Variants in DBX2 observed in about 807,000 individuals in gnomAD.
DBX2 encodes developing brain homeobox 2.
Under a neutral mutation model 17.7 loss-of-function variants are expected in DBX2, and 16 were observed. The observed-to-expected ratio is 0.90, with a 90% CI of 0.61 to 1.37. The LOEUF (loss-of-function observed/expected upper bound fraction) is 1.37, where lower values mean the gene tolerates loss of function less well. Ranked by LOEUF, DBX2 falls within the 40% of genes most tolerant of loss-of-function variation. The pLI, the probability that DBX2 is intolerant of heterozygous loss-of-function variation, is 0.00. For synonymous variants in DBX2, 255 were observed against 183.8 expected, an observed-to-expected ratio of 1.39 and a Z score of -3.13; for missense variants, 538 against 433.8, an observed-to-expected ratio of 1.24 and a Z score of -2.13.
At chr12:45,033,646 A>G (rs1190502776) in intron 2 of DBX2, among the ~76,000 whole-genome samples, 2 of 152,188 alleles carry the variant, frequency 1.3e-5, no homozygotes, top group Non-Finnish European at 2.9e-5. Context: ...GAATATATGA[A>G]ATTCATTTTA....
intron 1 of DBX2, among the ~76,000 whole-genome samples, chr12:45,044,127 G>A (rs1444691898): frequency 3.3e-5 from 5 of 152,190 alleles, no homozygotes; most frequent in Admixed American, 3.3e-4. Flanking sequence ...TATGCTTTGT[G>A]AGCTACACAG....
At chr12:45,033,041 C>T (rs963455459) in intron 2 of DBX2, among the ~76,000 whole-genome samples, 24 of 152,114 alleles carry the variant, frequency 1.6e-4, no homozygotes, top group Non-Finnish European at 2.8e-4. Flanking sequence ...TAATTTTTCC[C>T]CACTGTAAGC....
Position 45,050,633 on chromosome 12 carries a change from A to G in DBX2, c.295T>C (p.Tyr99His). The change falls in exon 1 of 4, where the codon TAC becomes CAC. Residue 99 changes from tyrosine to histidine, a missense_variant. Physicochemically the swap from Tyr to His is moderately conservative, Grantham distance 83. Coordinates refer to ENST00000332700, the MANE Select transcript of DBX2 (RefSeq NM_001004329.3). ...AEQVSPAGAP[Y>H]GTRWAFQVLS... ...ACTTGAAAAGCCCACCGCGTTCCGTAGGGCGCCCCGGCGGGGCTAACTTGT... is the reference window on the plus strand; with the variant it reads ...ACTTGAAAAGCCCACCGCGTTCCGTGGGGCGCCCCGGCGGGGCTAACTTGT... The G allele has an allele frequency of 6.5e-7, 1 of 1,550,138 alleles. No individual in the cohort carries two copies. Among genetic ancestry groups the G allele is most frequent in the Non-Finnish European group, 8.7e-7 (1 of 1,147,074 alleles).
intron 3 of DBX2, among the ~76,000 whole-genome samples, chr12:45,017,723 C>G (rs1366489861): frequency 6.6e-6 from 1 of 152,166 alleles, no homozygotes; most frequent in Non-Finnish European, 1.5e-5. Context: ...ACAAACCTCC[C>G]TCTTTATACA....
Position 45,050,622 on chromosome 12 carries a change from C to T in DBX2, c.306G>A (p.Arg102=). 1 of 1,550,316 alleles carries T rather than the reference C, an allele frequency of 6.5e-7. No homozygotes were observed. The highest frequency in any genetic ancestry group is 8.7e-7 in the Non-Finnish European group (1 of 1,147,152). Residue 102 remains arginine, a synonymous_variant, in exon 1 of 4, where the codon CGG becomes CGA. Coordinates refer to ENST00000332700, the MANE Select transcript of DBX2 (RefSeq NM_001004329.3). ...AGGGACTGAGCACTTGAAAAGCCCACCGCGTTCCGTAGGGCGCCCCGGCGG... is the reference window on the plus strand; with the variant it reads ...AGGGACTGAGCACTTGAAAAGCCCATCGCGTTCCGTAGGGCGCCCCGGCGG... ...VSPAGAPYGT[R]WAFQVLSPSA...
chr12:45,050,985 GC>G lies in DBX2; in HGVS notation c.-59del. On this transcript the variant is annotated 5_prime_UTR_variant, in exon 1 of 4. Coordinates refer to ENST00000332700, the MANE Select transcript of DBX2 (RefSeq NM_001004329.3). ...CCTTGCGCCCGCCTGTCGCCCGGGC[GC>G]CCCGCACCGCACCCAGAGCCGCAGC... 7.5e-7 allele frequency: 1 copy of G among 1,341,864 alleles called. No individual in the cohort carries two copies. The highest frequency in any genetic ancestry group is 2.1e-5 in the South Asian group (1 of 47,806). The allele number at this position is 1,341,864 out of a possible 1,614,324, so 83.1% of individuals were successfully genotyped here.
chr12:45,015,029 A>G lies in DBX2; in HGVS notation c.*1257T>C, dbSNP rs533145233. ...TGTTTCTTGTCCACAGATTGATAAGAGTTTAATGCAAAACCACATCATTTC... is the reference window on the plus strand; with the variant it reads ...TGTTTCTTGTCCACAGATTGATAAGGGTTTAATGCAAAACCACATCATTTC... On this transcript the variant is annotated 3_prime_UTR_variant, in exon 4 of 4. Transcript: ENST00000332700. 3 of 152,334 alleles carry G rather than the reference A, an allele frequency of 2.0e-5. No individual in the cohort carries two copies. In the South Asian group the frequency reaches 6.2e-4, roughly 32 times the overall value. 9.4% of individuals were successfully genotyped at this position (152,334 alleles called of 1,614,324 possible).
rs776929104 is a variant in DBX2, at chr12:45,016,481, T to C, written c.825A>G (p.Pro275=). 2 of 1,613,908 alleles carry C rather than the reference T, an allele frequency of 1.2e-6. No individual in the cohort carries two copies. The highest frequency in any genetic ancestry group is 1.1e-5 in the South Asian group (1 of 91,050). ...GGGGGACGTCCCATATTGAAGGACA[T>C]GGAGAAGGGAAACCCAGAGCAGACC... ...LSRSALGFPS[P]CPSIWDVPQQ... The change falls in exon 4 of 4, where the codon CCA becomes CCG. Residue 275 remains proline (P), a synonymous_variant. Coordinates refer to ENST00000332700, the MANE Select transcript of DBX2 (RefSeq NM_001004329.3).
chr12:45,028,027 G>C (rs12831193), intron 2 of DBX2, among the ~76,000 whole-genome samples: 11,437 of 152,296 alleles, frequency 0.075, 556 homozygotes, highest in Admixed American at 0.12. Flanking sequence ...AGAGAGAGCA[G>C]CACCTAGAAG....
intron 3 of DBX2, among the ~76,000 whole-genome samples, chr12:45,021,874 GTTTTATCAAACTTT>G (rs531934259): frequency 0.52 from 78,145 of 151,266 alleles, 20,696 homozygotes; most frequent in East Asian, 0.8. Context: ...TTATTATATA[GTTTTATCAAACTTT>G]TTATGAGCTT....
At chr12:45,046,497 T>C (rs1424384759) in intron 1 of DBX2, among the ~76,000 whole-genome samples, 1 of 152,128 alleles carries the variant, frequency 6.6e-6, no homozygotes, top group Non-Finnish European at 1.5e-5. Flanking sequence ...ATCTAAACCA[T>C]AGTGTCAGCA....
chr12:45,037,694 A>T (rs1157696096), intron 1 of DBX2, among the ~76,000 whole-genome samples: 1 of 152,138 alleles, frequency 6.6e-6, no homozygotes, highest in Non-Finnish European at 1.5e-5. Context: ...TGAGCTGTTT[A>T]TATTTATTTT....
intron 3 of DBX2, among the ~76,000 whole-genome samples, chr12:45,020,737 G>C (rs1946347677): frequency 6.6e-6 from 1 of 151,060 alleles, no homozygotes; most frequent in African/African-American, 2.4e-5. Flanking sequence ...GTGAAATAGA[G>C]GTAGTAAAAG....
rs532480731 is a variant in DBX2, at chr12:45,038,515, A to G, written c.404-2401T>C. Among the ~76,000 whole-genome samples the G allele has an allele frequency of 1.8e-4, 28 of 151,554 alleles. 1 individual carries two copies. The East Asian group carries it at 5.2e-3, about 28-fold the overall frequency. ...ATATGTATGCAATATGTGTGTGTGT[A>G]TATATTGCATACATATTGCATCCTT... On this transcript the variant is annotated intron_variant, in intron 1 of 3. Coordinates refer to ENST00000332700, the MANE Select transcript of DBX2 (RefSeq NM_001004329.3).
Position 45,050,983 on chromosome 12 carries a change from G to C in DBX2, c.-56C>G. ...CGCCTTGCGCCCGCCTGTCGCCCGGGCGCCCCGCACCGCACCCAGAGCCGC... is the reference window on the plus strand; with the variant it reads ...CGCCTTGCGCCCGCCTGTCGCCCGGCCGCCCCGCACCGCACCCAGAGCCGC... On this transcript the variant is annotated 5_prime_UTR_variant, in exon 1 of 4. Coordinates refer to ENST00000332700, the MANE Select transcript of DBX2 (RefSeq NM_001004329.3). 4.4e-6 allele frequency: 6 copies of C among 1,349,388 alleles called. No individual in the cohort carries two copies. The highest frequency in any genetic ancestry group is 5.7e-6 in the Non-Finnish European group (6 of 1,054,274). The allele number at this position is 1,349,388 out of a possible 1,614,324, so 83.6% of individuals were successfully genotyped here.
chr12:45,026,675 C>T (rs1302796612), intron 2 of DBX2, among the ~76,000 whole-genome samples: 1 of 152,214 alleles, frequency 6.6e-6, no homozygotes, highest in Non-Finnish European at 1.5e-5. Context: ...TAAAAGATTA[C>T]AAACATCTCC....
intron 2 of DBX2, among the ~76,000 whole-genome samples, chr12:45,024,760 G>T (rs1050356280): frequency 6.6e-6 from 1 of 152,186 alleles, no homozygotes; most frequent in African/African-American, 2.4e-5. Flanking sequence ...TATTCCTAAG[G>T]AGGGAGATTT....
chr12:45,040,171 A>C (rs868151247), intron 1 of DBX2, among the ~76,000 whole-genome samples: 1 of 152,132 alleles, frequency 6.6e-6, no homozygotes, highest in African/African-American at 2.4e-5. Context: ...TGCAGATAGA[A>C]TATAAAGCAG....
chr12:45,038,668 A>G (rs1020596949), intron 1 of DBX2, among the ~76,000 whole-genome samples: 18 of 117,928 alleles, frequency 1.5e-4, no homozygotes, highest in African/African-American at 8.2e-4. Context: ...ATAAATGATC[A>G]ATTAAATTCC....
Sources: gnomAD v4.1 joint callset for allele counts (sites outside exome capture counted in the v4.1 genomes callset) on GRCh38, gnomAD v4.1.1 for gene constraint, MANE v1.5 for transcripts, NCBI Gene and HGNC (gene_info 2026-07-23, HGNC 2026-07-21) for gene names.